Variants in WWOX observed in about 807,000 individuals in gnomAD.
WWOX encodes WW domain-containing oxidoreductase.
In WWOX, 69 loss-of-function variants were observed where a neutral mutation model predicts 46.2. That is an observed-to-expected ratio of 1.49 (90% confidence interval 1.23 to 1.82). The LOEUF (loss-of-function observed/expected upper bound fraction) is 1.82. Among genes scored for constraint, WWOX ranks in the 40% most tolerant of loss-of-function variants. The pLI is 0.00. For missense variants in WWOX, 919 were observed against 542.6 expected (o/e 1.69, Z -6.89); for synonymous variants, 359 against 202.6 (o/e 1.77, Z -6.56).
intron 8 of WWOX, among the ~76,000 whole-genome samples, chr16:78,785,718 T>C (rs1425695463): frequency 6.6e-6 from 1 of 152,218 alleles, no homozygotes; most frequent in Non-Finnish European, 1.5e-5. Context: ...TTGGTTGATA[T>C]TTTCATTTTT....
At chr16:79,202,669 GA>G (rs1189964293) in intron 8 of WWOX, 1 of 152,126 alleles carries the variant, frequency 6.6e-6, no homozygotes, top group African/African-American at 2.4e-5. Context: ...GAGTTTGAGA[GA>G]GTTTTTTCCC....
At chr16:79,192,895 G>A (rs1465710252) in intron 8 of WWOX, among the ~76,000 whole-genome samples, 1 of 152,190 alleles carries the variant, frequency 6.6e-6, no homozygotes, top group African/African-American at 2.4e-5. Context: ...CAGGACTGAG[G>A]TTAAGGACCT....
intron 8 of WWOX, among the ~76,000 whole-genome samples, chr16:79,043,968 T>G (rs1027920647): frequency 7.2e-5 from 11 of 152,208 alleles, no homozygotes; most frequent in African/African-American, 2.7e-4. Context: ...GGTTTGGTCC[T>G]TGTGGCCAGG....
intron 8 of WWOX, among the ~76,000 whole-genome samples, chr16:78,460,127 C>T (rs934896424): frequency 7.9e-5 from 12 of 151,336 alleles, no homozygotes; most frequent in Non-Finnish European, 1.3e-4. Context: ...CTTCCCCTCC[C>T]CTTCCCTCCC....
At chr16:78,819,313 C>T (rs888329788) in intron 8 of WWOX, among the ~76,000 whole-genome samples, 2 of 152,096 alleles carry the variant, frequency 1.3e-5, no homozygotes, top group Non-Finnish European at 2.9e-5. Context: ...ACACACCGGA[C>T]CAAATTGAGG....
At chr16:79,009,488 G>A (rs551174596) in intron 8 of WWOX, among the ~76,000 whole-genome samples, 67 of 151,112 alleles carry the variant, frequency 4.4e-4, no homozygotes, top group Non-Finnish European at 8.6e-4. Flanking sequence ...TTTTTTTTTA[G>A]ATGGACTTTC....
chr16:78,916,537 A>G (rs1383343355), intron 8 of WWOX, among the ~76,000 whole-genome samples: 2 of 152,210 alleles, frequency 1.3e-5, no homozygotes, highest in Non-Finnish European at 2.9e-5. Flanking sequence ...ATAATTTACC[A>G]TCCAATGGAT....
At chr16:78,947,259 A>G (rs2045967398) in intron 8 of WWOX, among the ~76,000 whole-genome samples, 1 of 152,204 alleles carries the variant, frequency 6.6e-6, no homozygotes, top group South Asian at 2.1e-4. Flanking sequence ...ATATTTTCTC[A>G]AGCCACTTAG....
intron 8 of WWOX, among the ~76,000 whole-genome samples, chr16:78,650,540 A>G (rs2046943836): frequency 6.6e-6 from 1 of 152,226 alleles, no homozygotes; most frequent in Admixed American, 6.5e-5. Flanking sequence ...GTATGAATCC[A>G]GGACACCTGC....
At chr16:78,860,521 C>T (rs1017362309) in intron 8 of WWOX, among the ~76,000 whole-genome samples, 5 of 152,138 alleles carry the variant, frequency 3.3e-5, no homozygotes, top group Non-Finnish European at 5.9e-5. Context: ...AAATGGACCT[C>T]TTATCATGTG....
intron 8 of WWOX, among the ~76,000 whole-genome samples, chr16:78,441,836 AT>A (rs2083451061): frequency 6.6e-6 from 1 of 152,070 alleles, no homozygotes; most frequent in South Asian, 2.1e-4. Context: ...GAAATTAAAG[AT>A]TATGAATGTT....
chr16:78,976,183 A>G (rs1393606110), intron 8 of WWOX, among the ~76,000 whole-genome samples: 1 of 152,208 alleles, frequency 6.6e-6, no homozygotes, highest in Non-Finnish European at 1.5e-5. Context: ...TATTTCTTGG[A>G]TGAAAGAATG....
intron 8 of WWOX, among the ~76,000 whole-genome samples, chr16:78,457,790 C>T (rs2083854858): frequency 6.6e-6 from 1 of 151,800 alleles, no homozygotes; most frequent in Non-Finnish European, 1.5e-5. Context: ...GTGGCGGGCG[C>T]CTGTAGTCCC....
chr16:78,730,622 T>A (rs1055216309), intron 8 of WWOX, among the ~76,000 whole-genome samples: 1 of 134,086 alleles, frequency 7.5e-6, no homozygotes, highest in African/African-American at 3.8e-5. Flanking sequence ...CGGCAATTTT[T>A]TTTTTTTTTT....
At chr16:78,686,440 G>C (rs1020527828) in intron 8 of WWOX, among the ~76,000 whole-genome samples, 2 of 152,124 alleles carry the variant, frequency 1.3e-5, no homozygotes, top group Non-Finnish European at 2.9e-5. Context: ...CAACCCGGGA[G>C]GTGGAGTTTG....
intron 8 of WWOX, among the ~76,000 whole-genome samples, chr16:78,963,205 A>T (rs188186131): frequency 6.6e-6 from 1 of 152,164 alleles, no homozygotes; most frequent in Non-Finnish European, 1.5e-5. Flanking sequence ...GCAGTGGCTC[A>T]CACCTGTAAT....
chr16:78,332,302 C>T (rs1329083735), intron 5 of WWOX, among the ~76,000 whole-genome samples: 1 of 152,144 alleles, frequency 6.6e-6, no homozygotes, highest in Non-Finnish European at 1.5e-5. Flanking sequence ...AAATCCTTCC[C>T]AGAGAATTAT....
chr16:78,656,696 A>G (rs2142159088), intron 8 of WWOX, among the ~76,000 whole-genome samples: 1 of 152,254 alleles, frequency 6.6e-6, no homozygotes, highest in African/African-American at 2.4e-5. Context: ...TGGCTGGGAC[A>G]CAAATCCCAA....
intron 8 of WWOX, among the ~76,000 whole-genome samples, chr16:78,587,150 T>G (rs1209529276): frequency 6.6e-6 from 1 of 151,246 alleles, no homozygotes; most frequent in Non-Finnish European, 1.5e-5. Flanking sequence ...CTCAGCCTCT[T>G]GAGTGGCTGG....
Sources: gnomAD v4.1 joint callset for allele counts (sites outside exome capture counted in the v4.1 genomes callset) on GRCh38, gnomAD v4.1.1 for gene constraint, MANE v1.5 for transcripts, NCBI Gene and HGNC (gene_info 2026-07-23, HGNC 2026-07-21) for gene names.